The following SLC9A9 variants were observed in gnomAD, a reference collection of about 807,000 sequenced individuals.
SLC9A9 encodes sodium/hydrogen exchanger 9.
Under a neutral mutation model 77.8 loss-of-function variants are expected in SLC9A9, and 62 were observed. The observed-to-expected ratio is 0.80, with a 90% CI of 0.65 to 0.98. The LOEUF (loss-of-function observed/expected upper bound fraction) is 0.98, where lower values mean the gene tolerates loss of function less well. Among genes scored for constraint, SLC9A9 ranks in the 50% least tolerant of loss-of-function variants. The pLI, the probability that SLC9A9 is intolerant of heterozygous loss-of-function variation, is 0.00. For missense variants in SLC9A9, 775 were observed against 774.9 expected (o/e 1.00, Z 0.00); for synonymous variants, 320 against 283.5 (o/e 1.13, Z -1.29).
chr3:143,736,029 T>C (rs1247038952), intron 4 of SLC9A9, among the ~76,000 whole-genome samples: 2 of 152,244 alleles, frequency 1.3e-5, no homozygotes, highest in Non-Finnish European at 1.5e-5. Flanking sequence ...CAACTTCCCA[T>C]GTTATAGTTA....
At chr3:143,571,691 T>G (rs753764566) in intron 8 of SLC9A9, among the ~76,000 whole-genome samples, 19 of 152,212 alleles carry the variant, frequency 1.2e-4, no homozygotes, top group Admixed American at 3.9e-4. Flanking sequence ...TGGCTTTGAC[T>G]GCCAGAAAGC....
At position 143,789,227 on chromosome 3, in the gene SLC9A9, CT is replaced by C. The variant is rs1226225872; in HGVS notation, c.533+5773del. On this transcript the variant is annotated intron_variant, in intron 4 of 15. Coordinates refer to ENST00000316549, the MANE Select transcript of SLC9A9 (RefSeq NM_173653.4). The stretch of plus-strand genomic sequence containing the variant: ...CATATCTCCATACTTTACGGCCACC[CT>C]GAGTGCATCCTAGAGAAACCTTTAG... Among the ~76,000 whole-genome samples the C allele has an allele frequency of 9.2e-5, 14 of 152,248 alleles. 1 individual carries two copies. The highest frequency in any genetic ancestry group is 4.2e-4 in the South Asian group (2 of 4,818).
chr3:143,847,325 A>G (rs1421442212), intron 1 of SLC9A9, among the ~76,000 whole-genome samples: 3 of 152,208 alleles, frequency 2.0e-5, no homozygotes, highest in Admixed American at 2.0e-4. Context: ...CATCAGTAAC[A>G]CCAGTAAAAA....
intron 12 of SLC9A9, among the ~76,000 whole-genome samples, chr3:143,403,850 G>A (rs949316862): frequency 6.6e-6 from 1 of 151,958 alleles, no homozygotes; most frequent in African/African-American, 2.4e-5. Context: ...TTGAAGGTGT[G>A]GATTGATTTT....
chr3:143,523,059 C>T (rs1474363030), intron 9 of SLC9A9, among the ~76,000 whole-genome samples: 3 of 151,970 alleles, frequency 2.0e-5, no homozygotes. Flanking sequence ...CTCTTCCAGT[C>T]CCAGAATCCC....
chr3:143,359,035 G>C (rs1471271161), intron 14 of SLC9A9, among the ~76,000 whole-genome samples: 1 of 151,494 alleles, frequency 6.6e-6, no homozygotes, highest in Non-Finnish European at 1.5e-5. Context: ...CAGGCTGGCT[G>C]TCTACACAGG....
chr3:143,676,227 T>G (rs1361826082), intron 5 of SLC9A9, among the ~76,000 whole-genome samples: 1 of 152,144 alleles, frequency 6.6e-6, no homozygotes, highest in African/African-American at 2.4e-5. Context: ...GCTTGGTTCC[T>G]AACAAGCCAC....
chr3:143,411,118 TC>T (rs1431661589), intron 12 of SLC9A9, among the ~76,000 whole-genome samples: 1 of 152,220 alleles, frequency 6.6e-6, no homozygotes, highest in African/African-American at 2.4e-5. Flanking sequence ...TTTCTTTATG[TC>T]TACAGGTGTC....
intron 9 of SLC9A9, among the ~76,000 whole-genome samples, chr3:143,535,405 T>G (rs2036575933): frequency 6.6e-6 from 1 of 152,232 alleles, no homozygotes; most frequent in Non-Finnish European, 1.5e-5. Flanking sequence ...GACAACGATA[T>G]CAGAGCAGTA....
intron 6 of SLC9A9, among the ~76,000 whole-genome samples, chr3:143,604,181 C>T (rs910500841): frequency 1.3e-5 from 2 of 152,162 alleles, no homozygotes; most frequent in East Asian, 3.9e-4. Flanking sequence ...GAAAGTGATA[C>T]AGTTTTTTAC....
intron 6 of SLC9A9, among the ~76,000 whole-genome samples, chr3:143,615,523 T>C (rs1175496634): frequency 6.6e-6 from 1 of 152,108 alleles, no homozygotes; most frequent in Non-Finnish European, 1.5e-5. Context: ...ACAAACTGCT[T>C]GAACATCAGA....
Position 143,266,275 on chromosome 3 carries a change from A to G in SLC9A9, c.*427T>C. 1.7e-6 allele frequency: 1 copy of G among 597,314 alleles called. No homozygotes were observed. The highest frequency in any genetic ancestry group is 3.0e-5 in the Admixed American group (1 of 33,418). The allele number at this position is 597,314 out of a possible 1,614,324, so 37.0% of individuals were successfully genotyped here. On this transcript the variant is annotated 3_prime_UTR_variant, in exon 16 of 16. Coordinates refer to ENST00000316549, the MANE Select transcript of SLC9A9 (RefSeq NM_173653.4). Reference sequence around the variant, plus strand: ...AATAGCTGGGCATTCCCTTCAGCTTAGGAGCAAAATGTTTACTCTCAGAAG... The same window carrying G: ...AATAGCTGGGCATTCCCTTCAGCTTGGGAGCAAAATGTTTACTCTCAGAAG...
Position 143,405,207 on chromosome 3 carries a change from C to A in SLC9A9, c.1470-23093G>T, listed in dbSNP as rs147708775. Among the ~76,000 whole-genome samples, 935 of 152,258 alleles carry A rather than the reference C, an allele frequency of 6.1e-3. 6 individuals are homozygous for A. The highest frequency in any genetic ancestry group is 0.021 in the African/African-American group (852 of 41,532). ...TGTTTGTTGCTAGTTGTTTCAAGTG[C>A]TATTAGTCTCCACTTCATTGCTTGC... On this transcript the variant is annotated intron_variant, in intron 12 of 15. Coordinates refer to ENST00000316549, the MANE Select transcript of SLC9A9 (RefSeq NM_173653.4).
chr3:143,560,850 A>T (rs1294855917), intron 8 of SLC9A9, among the ~76,000 whole-genome samples: 1 of 152,246 alleles, frequency 6.6e-6, no homozygotes, highest in African/African-American at 2.4e-5. Context: ...AAATAAATGT[A>T]TCCACTGGAG....
At chr3:143,600,711 G>C (rs1268167230) in intron 6 of SLC9A9, among the ~76,000 whole-genome samples, 1 of 152,120 alleles carries the variant, frequency 6.6e-6, no homozygotes, top group East Asian at 1.9e-4. Context: ...GAAAGAATTA[G>C]GAAATTATTT....
At chr3:143,763,274 C>T (rs77716158) in intron 4 of SLC9A9, among the ~76,000 whole-genome samples, 2,942 of 152,214 alleles carry the variant, frequency 0.019, 102 homozygotes, top group African/African-American at 0.066. Flanking sequence ...AAATATCTGT[C>T]AGTAATTATA....
intron 4 of SLC9A9, among the ~76,000 whole-genome samples, chr3:143,792,845 T>C (rs1350655730): frequency 6.6e-6 from 1 of 152,178 alleles, no homozygotes; most frequent in Non-Finnish European, 1.5e-5. Flanking sequence ...TCTTAAATGG[T>C]ACCCATTTTA....
At chr3:143,603,262 G>A (rs2037872169) in intron 6 of SLC9A9, among the ~76,000 whole-genome samples, 1 of 152,314 alleles carries the variant, frequency 6.6e-6, no homozygotes, top group Non-Finnish European at 1.5e-5. Context: ...TCTAAAGTAT[G>A]TGAGATCCAA....
At chr3:143,658,812 A>G (rs1011850340) in intron 5 of SLC9A9, among the ~76,000 whole-genome samples, 1 of 152,208 alleles carries the variant, frequency 6.6e-6, no homozygotes, top group Admixed American at 6.5e-5. Flanking sequence ...GAAAAGTAGG[A>G]TATATTAAGA....
Sources: allele counts gnomAD v4.1 joint callset (sites outside exome capture counted in the v4.1 genomes callset), GRCh38; gene constraint gnomAD v4.1.1; transcripts MANE v1.5; gene names NCBI Gene and HGNC (gene_info 2026-07-23, HGNC 2026-07-21).